The following KIAA1549 variants were observed in gnomAD, a reference collection of about 807,000 sequenced individuals.
KIAA1549 encodes KIAA1549.
Under a neutral mutation model 156.4 loss-of-function variants are expected in KIAA1549, and 70 were observed. That is an observed-to-expected ratio of 0.45 (90% CI 0.37 to 0.55). The LOEUF (loss-of-function observed/expected upper bound fraction) is 0.55. Ranked by LOEUF, KIAA1549 falls within the 20% of genes least tolerant of loss-of-function variation. The probability of loss-of-function intolerance (pLI) is 0.00; values close to 1 mark genes in which losing one functional copy is unlikely to be tolerated. For synonymous variants in KIAA1549, 1,103 were observed against 1,066.4 expected, an observed-to-expected ratio of 1.03 and a Z score of -0.67; for missense variants, 2,428 against 2,540.9, an observed-to-expected ratio of 0.96 and a Z score of 0.96.
chr7:138,960,617 T>G (rs949243011), intron 1 of KIAA1549, among the ~76,000 whole-genome samples: 2 of 151,906 alleles, frequency 1.3e-5, no homozygotes, highest in Non-Finnish European at 2.9e-5. Context: ...GCCACAAAAA[T>G]AAAAAAATTT....
chr7:138,903,054 A>G (rs1811886852), intron 8 of KIAA1549, among the ~76,000 whole-genome samples: 1 of 152,126 alleles, frequency 6.6e-6, no homozygotes, highest in Non-Finnish European at 1.5e-5. Context: ...GAGAGAGGCG[A>G]TTTTGCTCAG....
intron 1 of KIAA1549, among the ~76,000 whole-genome samples, chr7:138,935,375 T>C (rs1812979991): frequency 6.6e-6 from 1 of 152,178 alleles, no homozygotes. Context: ...GCTTTATTCT[T>C]TCCTAAATAA....
At chr7:138,910,923 T>A (rs959603601) in intron 4 of KIAA1549, among the ~76,000 whole-genome samples, 1 of 151,924 alleles carries the variant, frequency 6.6e-6, no homozygotes, top group Non-Finnish European at 1.5e-5. Context: ...TCCTAACTAC[T>A]CAGGAGGCTG....
rs768529264 is a variant in KIAA1549, at chr7:138,844,412, G to T, written c.5357C>A (p.Pro1786Gln). 1 of 1,600,356 alleles carries T rather than the reference G, an allele frequency of 6.2e-7. No homozygotes were observed. The highest frequency in any genetic ancestry group is 8.5e-7 in the Non-Finnish European group (1 of 1,173,138). The change falls in exon 18 of 20, where the codon CCA becomes CAA. Residue 1786 changes from proline (P) to glutamine (Q), a missense_variant. Around this residue, in one of 5 missense-constraint regions of KIAA1549, gnomAD observed 363 missense variants for 354.0 expected, o/e 1.03. Coordinates refer to ENST00000422774, the MANE Select transcript of KIAA1549 (RefSeq NM_001164665.2). ...TELVPPDPQQPQASAEAPFAA... is the reference protein window; with the variant it reads ...TELVPPDPQQQQASAEAPFAA... ...AAATGGGGCTTCGGCGGAGGCCTGT[G>T]GCTGCTGAGGGTCAGGGGGCACCAG...
intron 18 of KIAA1549, among the ~76,000 whole-genome samples, chr7:138,843,110 T>A (rs1809970298): frequency 6.6e-6 from 1 of 152,192 alleles, no homozygotes; most frequent in Non-Finnish European, 1.5e-5. Context: ...TAATATTTAT[T>A]GAAAGTTTAT....
At chr7:138,856,117 C>T (rs1373377886) in intron 16 of KIAA1549, among the ~76,000 whole-genome samples, 5 of 151,666 alleles carry the variant, frequency 3.3e-5, no homozygotes, top group Admixed American at 1.3e-4. Flanking sequence ...CTGCAAGCTC[C>T]GCCTCCCGGG....
At chr7:138,841,543 G>A (rs531623045) in intron 18 of KIAA1549, among the ~76,000 whole-genome samples, 65 of 152,222 alleles carry the variant, frequency 4.3e-4, no homozygotes, top group African/African-American at 5.8e-4. Flanking sequence ...AATTAAGGGC[G>A]AACAAAGTGA....
chr7:138,938,446 G>A (rs1057150429), intron 1 of KIAA1549, among the ~76,000 whole-genome samples: 1 of 131,514 alleles, frequency 7.6e-6, no homozygotes, highest in African/African-American at 3.0e-5. Context: ...CAAACCCCCT[G>A]TTCTGCCTGC....
chr7:138,947,551 A>C (rs568070111), intron 1 of KIAA1549, among the ~76,000 whole-genome samples: 1 of 152,148 alleles, frequency 6.6e-6, no homozygotes. Context: ...ATACACACAG[A>C]CTCCTGTTTT....
chr7:138,955,934 C>G (rs531439014), intron 1 of KIAA1549, among the ~76,000 whole-genome samples: 6 of 152,216 alleles, frequency 3.9e-5, no homozygotes, highest in Admixed American at 1.3e-4. Flanking sequence ...GCTTCTGTCA[C>G]CCAGGCTGGA....
At chr7:138,937,075 C>T (rs1399681606) in intron 1 of KIAA1549, among the ~76,000 whole-genome samples, 4 of 152,202 alleles carry the variant, frequency 2.6e-5, no homozygotes, top group Non-Finnish European at 5.9e-5. Flanking sequence ...AAGCCCTCAG[C>T]TGAGATACAA....
intron 1 of KIAA1549, among the ~76,000 whole-genome samples, chr7:138,956,546 C>G (rs1222779350): frequency 6.6e-6 from 1 of 152,068 alleles, no homozygotes; most frequent in African/African-American, 2.4e-5. Context: ...ATAAGTCTCA[C>G]GAGATCTGAT....
intron 10 of KIAA1549, among the ~76,000 whole-genome samples, chr7:138,890,212 G>A (rs192259475): frequency 2.6e-5 from 4 of 152,264 alleles, no homozygotes; most frequent in African/African-American, 7.2e-5. Flanking sequence ...TGAGAGAGAC[G>A]CCTGATGAAT....
chr7:138,914,722 T>C (rs746387176), intron 2 of KIAA1549, among the ~76,000 whole-genome samples: 3 of 152,166 alleles, frequency 2.0e-5, no homozygotes, highest in Non-Finnish European at 4.4e-5. Context: ...TTTAACAGCA[T>C]GGACACTCAC....
chr7:138,960,588 G>C (rs942473866), intron 1 of KIAA1549, among the ~76,000 whole-genome samples: 1 of 152,046 alleles, frequency 6.6e-6, no homozygotes, highest in Non-Finnish European at 1.5e-5. Context: ...GGGATTACAG[G>C]CATGAGCCAC....
chr7:138,935,699 A>G (rs1812990637), intron 1 of KIAA1549, among the ~76,000 whole-genome samples: 1 of 152,230 alleles, frequency 6.6e-6, no homozygotes, highest in South Asian at 2.1e-4. Flanking sequence ...ACCGACGTCC[A>G]AGCTGCCAGG....
At chr7:138,916,699 C>G (rs758037733) in intron 2 of KIAA1549, 49 bp downstream of exon 2, 94 of 1,599,972 alleles carry the variant, frequency 5.9e-5, no homozygotes, top group Non-Finnish European at 7.7e-5. Flanking sequence ...ACACAAGCTC[C>G]TTAGAAAGAT....
At position 138,919,294 on chromosome 7, in the gene KIAA1549, G is replaced by T. The variant is rs778707938; in HGVS notation, c.332C>A (p.Ala111Asp). The change falls in exon 2 of 20, where the codon GCC (alanine) becomes GAC (aspartate). Residue 111 changes from alanine to aspartate, a missense_variant. Around this residue, in one of 5 missense-constraint regions of KIAA1549, gnomAD observed 893 missense variants for 847.9 expected, o/e 1.05. Transcript: ENST00000422774. ...SQHSSPLHVT[A>D]PPSATTFDTA... is the part of the protein sequence containing the mutation. ...ATCAAAAGTAGTGGCAGACGGCGGG[G>T]CTGTGACATGGAGAGGACTGCTGTG... The T allele has an allele frequency of 1.1e-5, 18 of 1,613,904 alleles. No homozygotes were observed. Among genetic ancestry groups the T allele is most frequent in the Non-Finnish European group, 1.5e-5 (18 of 1,179,904 alleles).
rs1407860272 is a variant in KIAA1549, at chr7:138,869,754, G to A, written c.4559C>T (p.Thr1520Ile). ...GATCTCAGACTTGTGCCGCAGCGCG[G>A]TCTGAATCTGAGGAAGGGTGAGGGA... ...ESNKINKEIQ[T>I]ALRHKSEIEH... The change falls in exon 14 of 20, where the codon ACC (threonine) becomes ATC (isoleucine). Residue 1520 changes from threonine (T) to isoleucine (I), a missense_variant. Around this residue, in one of 5 missense-constraint regions of KIAA1549, gnomAD observed 404 missense variants for 417.0 expected, o/e 0.97. Coordinates refer to ENST00000422774, the MANE Select transcript of KIAA1549 (RefSeq NM_001164665.2). 1.6e-5 allele frequency: 26 copies of A among 1,608,756 alleles called. No individual in the cohort carries two copies. The highest frequency in any genetic ancestry group is 2.2e-5 in the Non-Finnish European group (26 of 1,178,974).
Sources: allele counts gnomAD v4.1 joint callset (sites outside exome capture counted in the v4.1 genomes callset), GRCh38; gene constraint gnomAD v4.1.1; regional missense constraint gnomAD v4.1.1; transcripts MANE v1.5; gene names NCBI Gene and HGNC (gene_info 2026-07-23, HGNC 2026-07-21).